The following IPCEF1 variants were observed in gnomAD, a reference collection of about 807,000 sequenced individuals.
The protein encoded by IPCEF1 is interactor protein for cytohesin exchange factors 1.
Under a neutral mutation model 50.9 loss-of-function variants are expected in IPCEF1, and 31 were observed. The ratio of observed to expected loss-of-function variants is 0.61; its 90% CI spans 0.46 to 0.82. The LOEUF (loss-of-function observed/expected upper bound fraction) is 0.82. IPCEF1 is among the 40% of genes least tolerant of loss of function. The probability of loss-of-function intolerance (pLI) is 0.00; values close to 1 mark genes in which losing one functional copy is unlikely to be tolerated. For synonymous variants in IPCEF1, 181 were observed against 192.0 expected, an observed-to-expected ratio of 0.94 and a Z score of 0.47; for missense variants, 458 against 514.0, an observed-to-expected ratio of 0.89 and a Z score of 1.05.
rs963561484 is a variant in IPCEF1 at position 154,157,284 on chromosome 6, C to G, written c.*2544G>C. 1 of 152,302 alleles carries G rather than the reference C, an allele frequency of 6.6e-6. No homozygotes were observed. The highest frequency in any genetic ancestry group is 1.5e-5 in the Non-Finnish European group (1 of 68,118). The allele number at this position is 152,302 out of a possible 1,614,324, so 9.4% of individuals were successfully genotyped here. ...AGCCTAGGCTGAGAACTCACAGAAGCAGCCCTACTTTCTAGCACAACCTGG... is the reference window on the plus strand; with the variant it reads ...AGCCTAGGCTGAGAACTCACAGAAGGAGCCCTACTTTCTAGCACAACCTGG... On this transcript the variant is annotated 3_prime_UTR_variant, in exon 12 of 12. Coordinates refer to ENST00000367220, the MANE Select transcript of IPCEF1 (RefSeq NM_001130700.2).
intron 3 of IPCEF1, among the ~76,000 whole-genome samples, chr6:154,263,864 C>T (rs1247760564): frequency 2.2e-5 from 1 of 46,128 alleles, no homozygotes; most frequent in Non-Finnish European, 4.6e-5. Context: ...GGCGGCTGGC[C>T]GGGCGGGGGG....
chr6:154,353,247 T>C (rs548355020), intron 1 of IPCEF1, among the ~76,000 whole-genome samples: 3 of 152,170 alleles, frequency 2.0e-5, no homozygotes, highest in Non-Finnish European at 2.9e-5. Context: ...TGGTGGAAGA[T>C]TTAAGGAGGG....
intron 1 of IPCEF1, among the ~76,000 whole-genome samples, chr6:154,330,578 C>G (rs1385200955): frequency 2.0e-5 from 3 of 152,110 alleles, no homozygotes; most frequent in Non-Finnish European, 4.4e-5. Flanking sequence ...CCCGCCTCAC[C>G]TCCCAAAGTG....
At chr6:154,217,633 T>A (rs375584081) in intron 7 of IPCEF1, 2 of 152,220 alleles carry the variant, frequency 1.3e-5, no homozygotes, top group Admixed American at 6.5e-5. Flanking sequence ...ATACGTTTTA[T>A]GTATTATTAA....
At chr6:154,262,769 CTTTTTTT>C (rs138504583) in intron 3 of IPCEF1, among the ~76,000 whole-genome samples, 3 of 97,724 alleles carry the variant, frequency 3.1e-5, no homozygotes, top group African/African-American at 1.2e-4. Context: ...GCTTATAATC[CTTTTTTT>C]TTTTTTTTTT....
intron 1 of IPCEF1, among the ~76,000 whole-genome samples, chr6:154,351,402 C>G (rs1784117337): frequency 6.6e-6 from 1 of 152,124 alleles, no homozygotes; most frequent in African/African-American, 2.4e-5. Context: ...CGTGGTACCA[C>G]CTGACTGCCT....
At chr6:154,291,797 G>T (rs1380917352) in intron 1 of IPCEF1, among the ~76,000 whole-genome samples, 1 of 146,010 alleles carries the variant, frequency 6.8e-6, no homozygotes, top group African/African-American at 2.6e-5. Context: ...CCATTCTCCT[G>T]CCTCAGCCTC....
intron 10 of IPCEF1, among the ~76,000 whole-genome samples, chr6:154,181,553 T>C (rs540908173): frequency 7.5e-4 from 115 of 152,366 alleles, no homozygotes; most frequent in Admixed American, 2.0e-3. Context: ...GTGAAGACTA[T>C]ATATTTCAAA....
intron 5 of IPCEF1, among the ~76,000 whole-genome samples, chr6:154,241,799 G>A (rs1028279873): frequency 6.6e-6 from 1 of 152,022 alleles, no homozygotes; most frequent in Non-Finnish European, 1.5e-5. Flanking sequence ...CTCACCTTCC[G>A]GCTCAAGAAT....
intron 10 of IPCEF1, among the ~76,000 whole-genome samples, chr6:154,195,853 G>A (rs571129579): frequency 6.7e-6 from 1 of 149,562 alleles, no homozygotes; most frequent in African/African-American, 2.5e-5. Flanking sequence ...GTGCAGTGGT[G>A]CAATCTCGGC....
intron 5 of IPCEF1, among the ~76,000 whole-genome samples, chr6:154,238,690 T>G (rs1367949627): frequency 6.6e-6 from 1 of 152,068 alleles, no homozygotes; most frequent in Non-Finnish European, 1.5e-5. Context: ...CTGTATAACC[T>G]TTTTTATAAT....
chr6:154,181,216 G>A (rs140870033), intron 10 of IPCEF1, among the ~76,000 whole-genome samples: 49 of 152,180 alleles, frequency 3.2e-4, no homozygotes, highest in African/African-American at 1.1e-3. Flanking sequence ...TTTTAGTAGT[G>A]AGGACACTAC....
rs1214262965 is a variant in IPCEF1 at position 154,229,744 on chromosome 6, C to A, written c.247-6501G>T. ...GGTGTCTACCCAAGAGGAATGGATG[C>A]AAATGCCCATGCAAAGGTTTGCATG... On this transcript the variant is annotated intron_variant, in intron 5 of 11. Coordinates refer to ENST00000367220, the MANE Select transcript of IPCEF1 (RefSeq NM_001130700.2). 2.0e-5 allele frequency among the ~76,000 whole-genome samples: 3 copies of A among 152,190 alleles called. No homozygotes were observed. The East Asian group carries it at 5.8e-4, about 29-fold the overall frequency.
chr6:154,213,984 G>A (rs1778177392), intron 8 of IPCEF1, among the ~76,000 whole-genome samples: 1 of 152,222 alleles, frequency 6.6e-6, no homozygotes, highest in Non-Finnish European at 1.5e-5. Context: ...GCCCACAGCT[G>A]CCGGAGTGTG....
At chr6:154,347,200 A>C (rs370571347) in intron 1 of IPCEF1, among the ~76,000 whole-genome samples, 10 of 152,204 alleles carry the variant, frequency 6.6e-5, no homozygotes, top group Admixed American at 2.0e-4. Flanking sequence ...CTTATCCAAA[A>C]ATAAGAAATT....
chr6:154,224,565 G>A (rs980900023), intron 5 of IPCEF1, among the ~76,000 whole-genome samples: 2 of 152,044 alleles, frequency 1.3e-5, no homozygotes, highest in African/African-American at 2.4e-5. Flanking sequence ...AAAAATATTA[G>A]CTGGTCATGG....
At chr6:154,185,214 T>C (rs1284047311) in intron 10 of IPCEF1, among the ~76,000 whole-genome samples, 2 of 152,340 alleles carry the variant, frequency 1.3e-5, no homozygotes, top group South Asian at 2.1e-4. Context: ...AGGGGTCTCA[T>C]GCCAATGGGT....
intron 10 of IPCEF1, among the ~76,000 whole-genome samples, chr6:154,192,679 T>TAAAAAAAAAAAA (rs1255019628): frequency 1.4e-4 from 21 of 151,826 alleles, no homozygotes; most frequent in Non-Finnish European, 2.9e-4. Flanking sequence ...AAAAAATGAC[T>TAAAAAAAAAAAA]TAATCCTATC....
At chr6:154,304,643 G>A (rs1435191940) in intron 1 of IPCEF1, among the ~76,000 whole-genome samples, 1 of 152,174 alleles carries the variant, frequency 6.6e-6, no homozygotes, top group Non-Finnish European at 1.5e-5. Flanking sequence ...ATCCTGAAAA[G>A]CAAGAGGCCA....
Sources: gnomAD v4.1 joint callset for allele counts (sites outside exome capture counted in the v4.1 genomes callset) on GRCh38, gnomAD v4.1.1 for gene constraint, MANE v1.5 for transcripts, NCBI Gene and HGNC (gene_info 2026-07-23, HGNC 2026-07-21) for gene names.